Variants in SNTG2 observed in about 807,000 individuals in gnomAD.
SNTG2 encodes gamma-2-syntrophin.
Under a neutral mutation model 70.9 loss-of-function variants are expected in SNTG2, and 74 were observed. The observed-to-expected ratio is 1.04, with a 90% CI of 0.86 to 1.27. SNTG2 has a LOEUF of 1.27. SNTG2 is among the 50% of genes most tolerant of loss of function. The pLI is 0.00. For synonymous variants in SNTG2, 278 were observed against 273.8 expected, an observed-to-expected ratio of 1.02 and a Z score of -0.15; for missense variants, 717 against 690.7, an observed-to-expected ratio of 1.04 and a Z score of -0.43.
intron 1 of SNTG2, among the ~76,000 whole-genome samples, chr2:994,728 G>C (rs13399897): frequency 0.37 from 56,118 of 151,402 alleles, 10,914 homozygotes; most frequent in Middle Eastern, 0.53. Flanking sequence ...CATTTATTTA[G>C]TTATTTCATT....
At chr2:1,358,030 A>T (rs1231746984) in intron 16 of SNTG2, among the ~76,000 whole-genome samples, 1 of 152,060 alleles carries the variant, frequency 6.6e-6, no homozygotes, top group Non-Finnish European at 1.5e-5. Flanking sequence ...GTTCCTGAGG[A>T]TGGATTTCTT....
chr2:1,164,474 C>T (rs865848900), intron 6 of SNTG2, among the ~76,000 whole-genome samples: 25 of 105,922 alleles, frequency 2.4e-4, no homozygotes, highest in Admixed American at 6.4e-4. Context: ...GACGAGAGGG[C>T]GGGGTGGGAT....
intron 11 of SNTG2, among the ~76,000 whole-genome samples, chr2:1,242,272 T>C (rs1266948140): frequency 6.6e-6 from 1 of 152,242 alleles, no homozygotes; most frequent in African/African-American, 2.4e-5. Flanking sequence ...TCATTCTTGA[T>C]TTTGGTATTT....
chr2:1,131,926 A>T (rs944702652), intron 4 of SNTG2, among the ~76,000 whole-genome samples: 2 of 152,136 alleles, frequency 1.3e-5, no homozygotes, highest in Non-Finnish European at 2.9e-5. Context: ...CTGGGATTAT[A>T]GGCGTGAGCC....
intron 4 of SNTG2, among the ~76,000 whole-genome samples, chr2:1,116,640 C>T (rs1408757370): frequency 6.9e-4 from 43 of 61,968 alleles, no homozygotes; most frequent in South Asian, 1.1e-3. Context: ...GTGGGTGCTC[C>T]AGTGTATGAG....
rs1428763936 is a variant in SNTG2 at position 1,179,842 on chromosome 2, C to G, written c.591+6659C>G. On this transcript the variant is annotated intron_variant, in intron 8 of 16. Coordinates refer to ENST00000308624, the MANE Select transcript of SNTG2 (RefSeq NM_018968.4). ...TACTACAAGGCTACAGTAACCAAAA[C>G]AGCATGGTACTGGTACCAAAACAGA... 3.2e-4 allele frequency among the ~76,000 whole-genome samples: 46 copies of G among 143,798 alleles called. No individual in the cohort carries two copies. The South Asian group carries it at 5.5e-3, about 17-fold the overall frequency. 94.3% of individuals were successfully genotyped at this position (143,798 alleles called of 152,430 possible).
intron 15 of SNTG2, among the ~76,000 whole-genome samples, chr2:1,315,780 A>G (rs2148262735): frequency 6.6e-6 from 1 of 152,274 alleles, no homozygotes; most frequent in South Asian, 2.1e-4. Flanking sequence ...ATAGCCATAG[A>G]TGGGGTGGTG....
chr2:1,052,056 T>TA (rs1402479695), intron 1 of SNTG2, among the ~76,000 whole-genome samples: 45 of 149,130 alleles, frequency 3.0e-4, no homozygotes, highest in African/African-American at 1.1e-3. Flanking sequence ...AGGATTTTTT[T>TA]TATTTATATT....
chr2:1,338,426 C>T (rs900659799), intron 16 of SNTG2, among the ~76,000 whole-genome samples: 4 of 151,934 alleles, frequency 2.6e-5, no homozygotes, highest in Non-Finnish European at 4.4e-5. Flanking sequence ...AAGTTCATTC[C>T]TTAGCATTTT....
intron 14 of SNTG2, among the ~76,000 whole-genome samples, chr2:1,297,644 A>G (rs941195853): frequency 1.3e-5 from 2 of 152,120 alleles, no homozygotes; most frequent in African/African-American, 4.8e-5. Flanking sequence ...GCGCATCCGC[A>G]GTTCCTTCCT....
At chr2:1,150,011 G>T (rs67758603) in intron 6 of SNTG2, among the ~76,000 whole-genome samples, 9 of 152,158 alleles carry the variant, frequency 5.9e-5, no homozygotes, top group Non-Finnish European at 1.2e-4. Flanking sequence ...TTTTCATTTG[G>T]CACTCCTCCG....
At position 1,348,967 on chromosome 2, in the gene SNTG2, G is replaced by A. The variant is rs185879560; in HGVS notation, c.1489-18376G>A. 9.2e-5 allele frequency among the ~76,000 whole-genome samples: 14 copies of A among 152,310 alleles called. No individual in the cohort carries two copies. In the East Asian group the frequency reaches 2.1e-3, roughly 23 times the overall value. ...TGATGCACAAAACAGCCAATACAAT[G>A]AGACAGCATGTGTTACAGCAGAGAA... On this transcript the variant is annotated intron_variant, in intron 16 of 16. Coordinates refer to ENST00000308624, the MANE Select transcript of SNTG2 (RefSeq NM_018968.4).
At chr2:1,200,271 G>GAT (rs1673193297) in intron 8 of SNTG2, among the ~76,000 whole-genome samples, 1 of 151,910 alleles carries the variant, frequency 6.6e-6, no homozygotes, top group African/African-American at 2.4e-5. Flanking sequence ...TTGGTGAAAG[G>GAT]ATACTCTCTT....
chr2:1,263,503 G>GT (rs1373298082), intron 13 of SNTG2, among the ~76,000 whole-genome samples: 1 of 150,488 alleles, frequency 6.6e-6, no homozygotes, highest in African/African-American at 2.4e-5. Context: ...AACCCTTTTT[G>GT]TTTTTTTCAG....
intron 1 of SNTG2, among the ~76,000 whole-genome samples, chr2:977,817 G>T (rs1016934045): frequency 6.6e-6 from 1 of 151,906 alleles, no homozygotes; most frequent in Non-Finnish European, 1.5e-5. Context: ...CACAATCTCC[G>T]CTCTGTTTTC....
At chr2:1,188,376 A>G (rs1395237581) in intron 8 of SNTG2, among the ~76,000 whole-genome samples, 1 of 152,178 alleles carries the variant, frequency 6.6e-6, no homozygotes, top group Non-Finnish European at 1.5e-5. Context: ...AGTTGAATAT[A>G]AATACAGCAG....
intron 9 of SNTG2, among the ~76,000 whole-genome samples, chr2:1,222,117 C>CTCTGTCTCTGTCTCTCTCTG (rs1185946852): frequency 2.7e-5 from 1 of 37,504 alleles, no homozygotes. Flanking sequence ...CTCTCTCTGT[C>CTCTGTCTCTGTCTCTCTCTG]TCTCTCTGTC....
intron 16 of SNTG2, among the ~76,000 whole-genome samples, chr2:1,328,445 A>T (rs1406473673): frequency 6.6e-6 from 1 of 152,234 alleles, no homozygotes; most frequent in Non-Finnish European, 1.5e-5. Flanking sequence ...CTCCGTGAGG[A>T]AAAAGAGTTC....
At chr2:1,262,561 G>A (rs2148171904) in intron 13 of SNTG2, among the ~76,000 whole-genome samples, 1 of 138,840 alleles carries the variant, frequency 7.2e-6, no homozygotes, top group East Asian at 2.2e-4. Context: ...GGTCCCAGAG[G>A]TGGGAAGAAG....
Sources: allele counts gnomAD v4.1 joint callset (sites outside exome capture counted in the v4.1 genomes callset), GRCh38; gene constraint gnomAD v4.1.1; transcripts MANE v1.5; gene names NCBI Gene and HGNC (gene_info 2026-07-23, HGNC 2026-07-21).